Variants in DIP2C observed in about 807,000 individuals in gnomAD.
DIP2C encodes the protein DIP2 acetate--CoA ligase C (putative), also known as disco-interacting protein 2 homolog C.
DIP2C carries 33 observed loss-of-function variants against 192.4 expected under a neutral mutation model. The ratio of observed to expected loss-of-function variants is 0.17; its 90% CI spans 0.13 to 0.23. The LOEUF (loss-of-function observed/expected upper bound fraction) is 0.23. Among genes scored for constraint, DIP2C ranks in the 10% least tolerant of loss-of-function variants. The pLI is 1.00. For synonymous variants in DIP2C, 979 were observed against 864.1 expected (o/e 1.13, Z -2.33); for missense variants, 1,537 against 2,110.1 (o/e 0.73, Z 5.32).
At chr10:460,778 G>A (rs1564740262) in intron 3 of DIP2C, among the ~76,000 whole-genome samples, 1 of 152,128 alleles carries the variant, frequency 6.6e-6, no homozygotes, top group East Asian at 1.9e-4. Context: ...TTAAAATGAA[G>A]GAAAAAATGT....
chr10:365,971 C>T (rs1030533162), intron 19 of DIP2C, among the ~76,000 whole-genome samples: 9 of 152,260 alleles, frequency 5.9e-5, no homozygotes, highest in Admixed American at 3.3e-4. Flanking sequence ...CAAGGCCCTT[C>T]ACGCACACAA....
chr10:586,999 G>A (rs749383111), intron 1 of DIP2C, among the ~76,000 whole-genome samples: 1 of 151,900 alleles, frequency 6.6e-6, no homozygotes, highest in African/African-American at 2.4e-5. Flanking sequence ...AGCATGGCGA[G>A]GTGCAAACAG....
chr10:437,686 AAGC>A (rs1967381695), intron 4 of DIP2C: 1 of 152,212 alleles, frequency 6.6e-6, no homozygotes, highest in African/African-American at 2.4e-5. Flanking sequence ...TCATGGCTAG[AAGC>A]AGAAGTTTTG....
In DIP2C at chr10:579,939, C is replaced by T. The variant is rs188357096; in HGVS notation, c.86-93409G>A. Reference sequence around the variant, plus strand: ...CAATGTACATATAGGTACACTATAACATGTATGTACATGAATAAAGCACAG... The same window carrying T: ...CAATGTACATATAGGTACACTATAATATGTATGTACATGAATAAAGCACAG... On this transcript the variant is annotated intron_variant, in intron 1 of 36. Transcript: ENST00000280886. Among the ~76,000 whole-genome samples, 21 of 151,732 alleles carry T rather than the reference C, an allele frequency of 1.4e-4. 1 individual carries two copies. The East Asian group carries it at 3.9e-3, about 28-fold the overall frequency.
At chr10:626,836 AT>A (rs1383756626) in intron 1 of DIP2C, among the ~76,000 whole-genome samples, 2 of 152,194 alleles carry the variant, frequency 1.3e-5, no homozygotes, top group Non-Finnish European at 2.9e-5. Flanking sequence ...GGTGTCCAAA[AT>A]GTTTTTTTCA....
At chr10:514,417 G>C in intron 1 of DIP2C, among the ~76,000 whole-genome samples, 1 of 152,176 alleles carries the variant, frequency 6.6e-6, no homozygotes, top group Admixed American at 6.5e-5. Context: ...CTTCGTGCCG[G>C]GAACAGTTCC....
intron 1 of DIP2C, among the ~76,000 whole-genome samples, chr10:688,903 C>A (rs1016978070): frequency 6.6e-6 from 1 of 152,230 alleles, no homozygotes; most frequent in African/African-American, 2.4e-5. Flanking sequence ...GTGGGATCCC[C>A]CGGGCCGCGC....
intron 2 of DIP2C, among the ~76,000 whole-genome samples, chr10:475,503 G>GC (rs996960409): frequency 3.9e-4 from 60 of 152,228 alleles, no homozygotes; most frequent in African/African-American, 1.3e-3. Flanking sequence ...TCCTCTTGGT[G>GC]CCCATGGACG....
chr10:460,306 G>C (rs1969669848), intron 3 of DIP2C, among the ~76,000 whole-genome samples: 1 of 152,148 alleles, frequency 6.6e-6, no homozygotes, highest in Admixed American at 6.5e-5. Flanking sequence ...TAAAGGTAAT[G>C]AAGTGCTTAA....
chr10:454,676 T>C (rs1198109143), intron 3 of DIP2C, among the ~76,000 whole-genome samples: 1 of 149,554 alleles, frequency 6.7e-6, no homozygotes, highest in African/African-American at 2.5e-5. Context: ...ATGCTTGATG[T>C]CATTATTGCA....
At chr10:341,154 G>A in intron 29 of DIP2C, 45 bp downstream of exon 29, 3 of 1,612,826 alleles carry the variant, frequency 1.9e-6, no homozygotes, top group Non-Finnish European at 2.5e-6. Context: ...TGGAGAGGAA[G>A]GTGCATGATT....
chr10:513,425 A>AT (rs1846154575), intron 1 of DIP2C, among the ~76,000 whole-genome samples: 1 of 152,216 alleles, frequency 6.6e-6, no homozygotes, highest in Non-Finnish European at 1.5e-5. Flanking sequence ...CATCCACTGC[A>AT]TGCTGCAGCC....
chr10:456,855 A>G (rs1037715803), intron 3 of DIP2C, among the ~76,000 whole-genome samples: 14 of 152,340 alleles, frequency 9.2e-5, no homozygotes, highest in African/African-American at 3.1e-4. Flanking sequence ...GTCAAGACAG[A>G]GTGAAGGCAA....
At chr10:375,732 A>G (rs902468611) in intron 17 of DIP2C, among the ~76,000 whole-genome samples, 2 of 152,170 alleles carry the variant, frequency 1.3e-5, no homozygotes, top group African/African-American at 4.8e-5. Flanking sequence ...ACATTCACAC[A>G]AAACAAACAC....
In DIP2C at chr10:476,554, C is replaced by T. The variant is rs528983115; in HGVS notation, c.158-4005G>A. Among the ~76,000 whole-genome samples the T allele has an allele frequency of 2.2e-4, 34 of 152,328 alleles. No homozygotes were observed. In the South Asian group the frequency reaches 6.6e-3, roughly 30 times the overall value. ...TTTTCTTGACAAGGAAATGCAGGTG[C>T]AGAAGTGATCCATGAGTGCGAGCGG... is the stretch of plus-strand genomic sequence containing the variant. On this transcript the variant is annotated intron_variant, in intron 2 of 36. Transcript: ENST00000280886.
In DIP2C at chr10:527,289, T is replaced by TC. The variant is rs749209442; in HGVS notation, c.86-40760dup. Among the ~76,000 whole-genome samples the TC allele has an allele frequency of 5.1e-4, 77 of 152,218 alleles. 2 individuals are homozygous for TC. The highest frequency in any genetic ancestry group is 3.4e-3 in the Middle Eastern group (1 of 294). ...AAGTCATGGCCTGGCCTCCCGACCC[T>TC]CCCCGCTTCTGGGCTTCTTGGCATG... is the stretch of plus-strand genomic sequence containing the variant. On this transcript the variant is annotated intron_variant, in intron 1 of 36. Transcript: ENST00000280886.
intron 1 of DIP2C, among the ~76,000 whole-genome samples, chr10:596,189 G>T (rs982196998): frequency 2.0e-5 from 3 of 152,098 alleles, no homozygotes; most frequent in Admixed American, 2.0e-4. Context: ...CCTAAGTATT[G>T]AACAAGCCCA....
At chr10:525,708 C>A (rs1164178527) in intron 1 of DIP2C, among the ~76,000 whole-genome samples, 5 of 152,148 alleles carry the variant, frequency 3.3e-5, no homozygotes, top group Non-Finnish European at 7.4e-5. Flanking sequence ...GAAAGGAAGA[C>A]AGGCCAGCCC....
chr10:518,933 C>T (rs907492403), intron 1 of DIP2C, among the ~76,000 whole-genome samples: 6 of 152,230 alleles, frequency 3.9e-5, no homozygotes, highest in African/African-American at 1.4e-4. Flanking sequence ...TAACTTTGCC[C>T]ACTTCCATGG....
Sources: allele counts gnomAD v4.1 joint callset (sites outside exome capture counted in the v4.1 genomes callset), GRCh38; gene constraint gnomAD v4.1.1; transcripts MANE v1.5; gene names NCBI Gene and HGNC (gene_info 2026-07-23, HGNC 2026-07-21).